NUDT13: variants seen among roughly 807,000 people sequenced by gnomAD.
NUDT13 encodes nudix hydrolase 13.
Under a neutral mutation model 41.7 loss-of-function variants are expected in NUDT13, and 40 were observed. The ratio of observed to expected loss-of-function variants is 0.96; its 90% confidence interval spans 0.75 to 1.25. The LOEUF (loss-of-function observed/expected upper bound fraction) is 1.25, where lower values mean the gene tolerates loss of function less well. NUDT13 is among the 50% of genes most tolerant of loss of function. The pLI is 0.00. For missense variants in NUDT13, 390 were observed against 416.1 expected, an observed-to-expected ratio of 0.94 and a Z score of 0.55; for synonymous variants, 145 against 155.5, an observed-to-expected ratio of 0.93 and a Z score of 0.50.
chr10:73,114,243 C>T, intron 1 of NUDT13, 114 bp from the exon 2 acceptor site: 1 of 422,066 alleles, frequency 2.4e-6, no homozygotes, highest in Non-Finnish European at 4.2e-6. Context: ...GTTTGTCTTT[C>T]CTTAATATTA....
chr10:73,126,858 A>G (rs1842799304), intron 8 of NUDT13, 31 bp downstream of exon 8: 2 of 1,600,890 alleles, frequency 1.2e-6, no homozygotes, highest in African/African-American at 1.3e-5. Context: ...ATACTGTGAT[A>G]TTTCTTTTGC....
intron 1 of NUDT13, among the ~76,000 whole-genome samples, chr10:73,111,366 CTTGTT>C (rs1419208634): frequency 1.3e-5 from 2 of 150,850 alleles, no homozygotes; most frequent in Non-Finnish European, 3.0e-5. Context: ...TTTGTTTTGT[CTTGTT>C]TTGTTTTGTT....
intron 1 of NUDT13, among the ~76,000 whole-genome samples, chr10:73,113,582 A>C (rs1842423544): frequency 1.3e-5 from 2 of 152,026 alleles, no homozygotes; most frequent in South Asian, 4.1e-4. Flanking sequence ...GAGGGCAGGG[A>C]TTTTCATCTT....
At chr10:73,112,073 G>A (rs775560725) in intron 1 of NUDT13, among the ~76,000 whole-genome samples, 4 of 152,198 alleles carry the variant, frequency 2.6e-5, no homozygotes, top group Non-Finnish European at 4.4e-5. Context: ...AAATAAGGCC[G>A]GGGGCAGTGG....
chr10:73,126,546 T>G, intron 7 of NUDT13, 127 bp from the exon 8 acceptor site: 1 of 1,042,374 alleles, frequency 9.6e-7, no homozygotes, highest in Non-Finnish European at 1.4e-6. Flanking sequence ...GACTCAGAGT[T>G]TTAGGACACT....
At position 73,120,087 on chromosome 10, in the gene NUDT13, C is replaced by T. The variant is rs777886482; in HGVS notation, c.153C>T (p.Leu51=). Residue 51 remains leucine, a synonymous_variant, in exon 3 of 9, where the codon CTC becomes CTT. Coordinates refer to ENST00000357321, the MANE Select transcript of NUDT13 (RefSeq NM_015901.6). ...KKAQQTGAFY[L]FHSLAPLLQT... is the part of the protein sequence containing the mutation. The stretch of plus-strand genomic sequence containing the variant: ...CCCAGCAAACAGGAGCGTTTTACCT[C>T]TTTCATAGTCTGGCTCCTCTGCTTC... The T allele has an allele frequency of 7.4e-6, 12 of 1,614,052 alleles. No individual in the cohort carries two copies. The highest frequency in any genetic ancestry group is 6.7e-5 in the Admixed American group (4 of 59,996).
rs1221801985 is a variant in NUDT13 at position 73,119,552 on chromosome 10, A to C, written c.84-466A>C. On this transcript the variant is annotated intron_variant, in intron 2 of 8. Coordinates refer to ENST00000357321, the MANE Select transcript of NUDT13 (RefSeq NM_015901.6). Reference sequence around the variant, plus strand: ...TTTGTGGTTGATGTTTTATCACTGTACTTGTTTTCCTTTCACTCCACTGCA... The same window carrying C: ...TTTGTGGTTGATGTTTTATCACTGTCCTTGTTTTCCTTTCACTCCACTGCA... The C allele has an allele frequency of 1.9e-5, 17 of 874,798 alleles. No homozygotes were observed. The East Asian group carries it at 1.3e-3, about 68-fold the overall frequency. 54.2% of individuals were successfully genotyped at this position (874,798 alleles called of 1,614,324 possible).
chr10:73,121,458 G>A (rs952967582), intron 3 of NUDT13, among the ~76,000 whole-genome samples: 1 of 152,116 alleles, frequency 6.6e-6, no homozygotes, highest in Admixed American at 6.5e-5. Context: ...CGGTTTTTGT[G>A]TGTGTTATGT....
intron 5 of NUDT13, 186 bp from the exon 6 acceptor site, chr10:73,124,932 G>T: frequency 1.9e-6 from 1 of 523,494 alleles, no homozygotes. Context: ...TCAGATTTCT[G>T]ATGCTAGAGG....
intron 7 of NUDT13, 103 bp from the exon 8 acceptor site, chr10:73,126,570 C>G (rs1293607023): frequency 2.3e-6 from 3 of 1,293,066 alleles, no homozygotes; most frequent in Non-Finnish European, 3.2e-6. Flanking sequence ...AAGAGCATTT[C>G]ATTGAAACTT....
At position 73,130,803 on chromosome 10, in the gene NUDT13, A is replaced by G. The variant is rs758735070; in HGVS notation, c.959A>G (p.Asn320Ser). 1 of 1,613,436 alleles carries G rather than the reference A, an allele frequency of 6.2e-7. No individual in the cohort carries two copies. Residue 320 changes from asparagine to serine, a missense_variant, in exon 9 of 9, where the codon AAT (asparagine) becomes AGT (serine). By Grantham distance (46) the Asn-to-Ser change is conservative. Transcript: ENST00000357321. Reference protein sequence around the residue: ...KRKGPYTQQQNGTFPFWLPPK... With the variant: ...KRKGPYTQQQSGTFPFWLPPK... The stretch of plus-strand genomic sequence containing the variant: ...AAGGGCCCCTATACTCAGCAACAGA[A>G]TGGGACTTTCCCATTCTGGCTGCCC...
At chr10:73,123,920 A>C (rs1250586586) in intron 4 of NUDT13, among the ~76,000 whole-genome samples, 2 of 152,078 alleles carry the variant, frequency 1.3e-5, no homozygotes, top group African/African-American at 4.8e-5. Flanking sequence ...CGGCCTCCCA[A>C]AGTGCCGTAC....
At chr10:73,110,841 TA>T (rs1209790399) in intron 1 of NUDT13, among the ~76,000 whole-genome samples, 1 of 152,144 alleles carries the variant, frequency 6.6e-6, no homozygotes, top group African/African-American at 2.4e-5. Context: ...CCTTAATTTT[TA>T]TTTTTTTTTA....
chr10:73,130,812 TC>T lies in NUDT13; in HGVS notation c.971del (p.Pro324HisfsTer8), dbSNP rs758463290. 5.6e-6 allele frequency: 9 copies of T among 1,612,762 alleles called. No homozygotes were observed. The African/African-American group carries it at 1.2e-4, about 22-fold the overall frequency. ...TATACTCAGCAACAGAATGGGACTT[TC>T]CCATTCTGGCTGCCCCCTAAGTTAG... ...GPYTQQQNGT[F>X]PFWLPPKLAI... On this transcript the variant is annotated frameshift_variant, in exon 9 of 9. Coordinates refer to ENST00000357321, the MANE Select transcript of NUDT13 (RefSeq NM_015901.6). LOFTEE classifies it high-confidence loss of function.
At chr10:73,115,479 A>T (rs1005786539) in intron 2 of NUDT13, among the ~76,000 whole-genome samples, 1 of 152,152 alleles carries the variant, frequency 6.6e-6, no homozygotes, top group Non-Finnish European at 1.5e-5. Context: ...TGGCCGAAAA[A>T]TTTTAAACAA....
intron 1 of NUDT13, among the ~76,000 whole-genome samples, chr10:73,113,929 G>A (rs1842431870): frequency 6.6e-6 from 1 of 152,056 alleles, no homozygotes; most frequent in Admixed American, 6.5e-5. Context: ...CAATTTAAAG[G>A]GACCATCTTG....
At chr10:73,113,974 C>A (rs1392838539) in intron 1 of NUDT13, among the ~76,000 whole-genome samples, 16 of 151,956 alleles carry the variant, frequency 1.1e-4, no homozygotes, top group Non-Finnish European at 7.4e-5. Flanking sequence ...GATTTTTTTT[C>A]TTTCCCAATG....
intron 3 of NUDT13, 36 bp from the exon 4 acceptor site, chr10:73,122,139 G>A: frequency 6.2e-7 from 1 of 1,602,058 alleles, no homozygotes; most frequent in South Asian, 1.1e-5. Flanking sequence ...AAACCCTTGT[G>A]TTTTGCTTTT....
intron 8 of NUDT13, chr10:73,130,469 AAAAAAT>A: frequency 6.1e-6 from 1 of 164,132 alleles, no homozygotes; most frequent in Non-Finnish European, 1.3e-5. Flanking sequence ...TCTAAAAAAA[AAAAAAT>A]ATATATATAT....
Sources: gnomAD v4.1 joint callset for allele counts (sites outside exome capture counted in the v4.1 genomes callset) on GRCh38, gnomAD v4.1.1 for gene constraint, MANE v1.5 for transcripts, NCBI Gene and HGNC (gene_info 2026-07-23, HGNC 2026-07-21) for gene names.